Variants in MCU observed in about 807,000 individuals in gnomAD.
MCU encodes mitochondrial calcium uniporter.
In MCU, 12 loss-of-function variants were observed where a neutral mutation model predicts 45.2. That is an observed-to-expected ratio of 0.27 (90% CI 0.17 to 0.43). MCU has a LOEUF of 0.43. Ranked by LOEUF, MCU falls within the 20% of genes least tolerant of loss-of-function variation. MCU has a pLI of 1.00. For missense variants in MCU, 324 were observed against 436.7 expected, an observed-to-expected ratio of 0.74 and a Z score of 2.30; for synonymous variants, 160 against 165.1, an observed-to-expected ratio of 0.97 and a Z score of 0.24.
At chr10:72,837,858 T>G (rs80188120) in intron 2 of MCU, among the ~76,000 whole-genome samples, 1 of 144,760 alleles carries the variant, frequency 6.9e-6, no homozygotes, top group East Asian at 2.0e-4. Context: ...CAATACTGGT[T>G]TTTTTTTTTT....
At chr10:72,747,530 C>T (rs528868099) in intron 1 of MCU, among the ~76,000 whole-genome samples, 1 of 152,186 alleles carries the variant, frequency 6.6e-6, no homozygotes, top group Admixed American at 6.5e-5. Context: ...ATTTTGGAAA[C>T]ACATAAAAAC....
In MCU at chr10:72,725,249, C is replaced by T. The variant is rs1843081598; in HGVS notation, c.150+32948C>T. Among the ~76,000 whole-genome samples, 4 of 152,156 alleles carry T rather than the reference C, an allele frequency of 2.6e-5. No homozygotes were observed. In the South Asian group the frequency reaches 8.3e-4, roughly 32 times the overall value. On this transcript the variant is annotated intron_variant, in intron 1 of 7. Coordinates refer to ENST00000373053, the MANE Select transcript of MCU (RefSeq NM_138357.3). ...CCCGCCATTCTCCTGCCTCAGCCTC[C>T]CGAGAAGCTGGGACTGCAGGTGCCT...
chr10:72,706,561 C>T (rs1202730416), intron 1 of MCU, among the ~76,000 whole-genome samples: 9 of 148,504 alleles, frequency 6.1e-5, no homozygotes, highest in East Asian at 5.9e-4. Context: ...TTTTTTGAGA[C>T]GGAGTCTCGC....
chr10:72,697,052 G>A (rs1842696386), intron 1 of MCU, among the ~76,000 whole-genome samples: 2 of 152,044 alleles, frequency 1.3e-5, no homozygotes, highest in South Asian at 2.1e-4. Flanking sequence ...CACATTTGTT[G>A]GTTTATTCTA....
intron 6 of MCU, among the ~76,000 whole-genome samples, chr10:72,876,338 C>G (rs1282337779): frequency 6.6e-6 from 1 of 152,156 alleles, no homozygotes; most frequent in Non-Finnish European, 1.5e-5. Flanking sequence ...TGTCACCTTC[C>G]TCCTGTATCA....
intron 1 of MCU, among the ~76,000 whole-genome samples, chr10:72,703,669 T>A (rs1045505352): frequency 4.0e-5 from 6 of 151,752 alleles, no homozygotes; most frequent in Non-Finnish European, 7.4e-5. Context: ...CTTTGGGAGG[T>A]GGAGGCAGGC....
intron 1 of MCU, among the ~76,000 whole-genome samples, chr10:72,815,751 G>A (rs368547824): frequency 7.2e-5 from 11 of 152,022 alleles, no homozygotes; most frequent in South Asian, 4.1e-4. Flanking sequence ...CTACCTAATC[G>A]AAAGATTAAT....
chr10:72,793,693 G>A (rs1320071372), intron 1 of MCU, among the ~76,000 whole-genome samples: 1 of 151,982 alleles, frequency 6.6e-6, no homozygotes, highest in East Asian at 1.9e-4. Context: ...CCTTGGTTGG[G>A]GCTGTAGGCT....
At chr10:72,876,365 A>C (rs2132893087) in intron 6 of MCU, among the ~76,000 whole-genome samples, 1 of 152,086 alleles carries the variant, frequency 6.6e-6, no homozygotes. Flanking sequence ...TTTCTATCCA[A>C]TTTAAACTGT....
intron 2 of MCU, among the ~76,000 whole-genome samples, chr10:72,849,999 C>T (rs376005474): frequency 2.3e-4 from 35 of 151,604 alleles, no homozygotes; most frequent in South Asian, 6.2e-4. Context: ...CTGCAACCTC[C>T]GCCTCCCAGG....
At chr10:72,762,163 G>A (rs905934029) in intron 1 of MCU, among the ~76,000 whole-genome samples, 1 of 152,008 alleles carries the variant, frequency 6.6e-6, no homozygotes, top group Non-Finnish European at 1.5e-5. Flanking sequence ...AAATCAGGAA[G>A]AAAAGAAACC....
intron 1 of MCU, among the ~76,000 whole-genome samples, chr10:72,753,150 G>A (rs1239126945): frequency 6.6e-6 from 1 of 152,092 alleles, no homozygotes; most frequent in East Asian, 1.9e-4. Context: ...TCTTAGATTT[G>A]TATTGTTTAC....
chr10:72,766,947 C>A (rs528666843), intron 1 of MCU: 1 of 152,174 alleles, frequency 6.6e-6, no homozygotes, highest in South Asian at 2.1e-4. Context: ...TTTTTAAAAT[C>A]AACTTTAACG....
chr10:72,868,962 G>A, intron 5 of MCU, 99 bp downstream of exon 5: 1 of 1,242,002 alleles, frequency 8.1e-7, no homozygotes, highest in South Asian at 1.5e-5. Flanking sequence ...ATTGAGTCAT[G>A]TCAATCAAGT....
intron 1 of MCU, among the ~76,000 whole-genome samples, chr10:72,791,811 CT>C (rs1407794082): frequency 4.0e-5 from 6 of 148,288 alleles, no homozygotes; most frequent in Non-Finnish European, 7.4e-5. Flanking sequence ...AACATGTTTT[CT>C]TTTATGTAGG....
chr10:72,832,117 AG>A (rs139075938), intron 1 of MCU, among the ~76,000 whole-genome samples: 1,661 of 152,204 alleles, frequency 0.011, 33 homozygotes, highest in African/African-American at 0.037. Context: ...CCCAGGCTGG[AG>A]TGCAACGGCA....
chr10:72,721,293 T>G (rs1356446385), intron 1 of MCU, among the ~76,000 whole-genome samples: 2 of 152,124 alleles, frequency 1.3e-5, no homozygotes, highest in Non-Finnish European at 2.9e-5. Flanking sequence ...GTAGTGACAA[T>G]AAACTGGCTC....
At chr10:72,769,819 G>T (rs957576929) in intron 1 of MCU, among the ~76,000 whole-genome samples, 1 of 152,018 alleles carries the variant, frequency 6.6e-6, no homozygotes, top group African/African-American at 2.4e-5. Context: ...GCTACTTTTC[G>T]TTTCTGTGGA....
rs139590109 is a variant in MCU at position 72,713,600 on chromosome 10, C to T, written c.150+21299C>T. ...TAGTAATTTTCACAAATTATTTTAC[C>T]GTGAAAAGTATAGGTATGGGGAGAG... is the stretch of plus-strand genomic sequence containing the variant. On this transcript the variant is annotated intron_variant, in intron 1 of 7. Coordinates refer to ENST00000373053, the MANE Select transcript of MCU (RefSeq NM_138357.3). 2.8e-4 allele frequency among the ~76,000 whole-genome samples: 42 copies of T among 152,166 alleles called. 1 individual carries two copies. In the East Asian group the frequency reaches 6.6e-3, roughly 24 times the overall value.
Sources: gnomAD v4.1 joint callset for allele counts (sites outside exome capture counted in the v4.1 genomes callset) on GRCh38, gnomAD v4.1.1 for gene constraint, MANE v1.5 for transcripts, NCBI Gene and HGNC (gene_info 2026-07-23, HGNC 2026-07-21) for gene names.